The following DOK6 variants were observed in gnomAD, a reference collection of about 807,000 sequenced individuals.
DOK6 encodes docking protein 6.
DOK6 carries 22 observed loss-of-function variants against 44.0 expected under a neutral mutation model. The ratio of observed to expected loss-of-function variants is 0.50; its 90% CI spans 0.36 to 0.71. The LOEUF (loss-of-function observed/expected upper bound fraction) is 0.71, where lower values mean the gene tolerates loss of function less well. Ranked by LOEUF, DOK6 falls within the 30% of genes least tolerant of loss-of-function variation. The pLI is 0.00. For missense variants in DOK6, 340 were observed against 416.4 expected (o/e 0.82, Z 1.60); for synonymous variants, 166 against 145.5 (o/e 1.14, Z -1.01).
At chr18:69,546,069 G>T (rs1982395529) in intron 1 of DOK6, among the ~76,000 whole-genome samples, 1 of 151,132 alleles carries the variant, frequency 6.6e-6, no homozygotes, top group Admixed American at 6.6e-5. Flanking sequence ...CTTAAGGTTG[G>T]GAGTTCGAGA....
chr18:69,793,350 A>G (rs1230938019), intron 7 of DOK6, among the ~76,000 whole-genome samples: 1 of 152,172 alleles, frequency 6.6e-6, no homozygotes, highest in Non-Finnish European at 1.5e-5. Flanking sequence ...CCTATCTCCA[A>G]GGAACTTGTG....
At chr18:69,645,905 G>A (rs996027891) in intron 3 of DOK6, among the ~76,000 whole-genome samples, 1 of 151,978 alleles carries the variant, frequency 6.6e-6, no homozygotes, top group Non-Finnish European at 1.5e-5. Flanking sequence ...TTCTTTTGTC[G>A]ATTCTTCTGG....
intron 1 of DOK6, among the ~76,000 whole-genome samples, chr18:69,424,751 T>A (rs549087789): frequency 6.6e-6 from 1 of 152,314 alleles, no homozygotes; most frequent in South Asian, 2.1e-4. Context: ...CAATGTCTAA[T>A]TAATCCTTAT....
chr18:69,690,546 T>G (rs1014046737), intron 4 of DOK6, among the ~76,000 whole-genome samples: 4 of 152,190 alleles, frequency 2.6e-5, no homozygotes, highest in Non-Finnish European at 4.4e-5. Flanking sequence ...TTATAGAAAT[T>G]TTGGAGATAA....
chr18:69,438,115 A>T (rs1440398326), intron 1 of DOK6, among the ~76,000 whole-genome samples: 1 of 152,182 alleles, frequency 6.6e-6, no homozygotes, highest in Non-Finnish European at 1.5e-5. Flanking sequence ...GGCAACTTTT[A>T]AAAACAACAC....
At chr18:69,558,270 T>C (rs1376589119) in intron 1 of DOK6, among the ~76,000 whole-genome samples, 1 of 152,134 alleles carries the variant, frequency 6.6e-6, no homozygotes, top group African/African-American at 2.4e-5. Context: ...GATCTCCTTG[T>C]ACTTCTGCTT....
At position 69,673,495 on chromosome 18, in the gene DOK6, C is replaced by G. The variant is rs545630877; in HGVS notation, c.290-4239C>G. On this transcript the variant is annotated intron_variant, in intron 3 of 7. Transcript: ENST00000382713. ...AAGACACCATACTTTCCCCAGAATT[C>G]TGTGGAGAAATGGAAAGACACTGAA... Among the ~76,000 whole-genome samples the G allele has an allele frequency of 2.6e-4, 40 of 152,284 alleles. 1 individual carries two copies. The highest frequency in any genetic ancestry group is 1.4e-3 in the Admixed American group (22 of 15,298).
intron 1 of DOK6, among the ~76,000 whole-genome samples, chr18:69,561,328 T>C (rs967661118): frequency 6.6e-6 from 1 of 152,190 alleles, no homozygotes; most frequent in Non-Finnish European, 1.5e-5. Flanking sequence ...CTTCTTGATG[T>C]TTGCATTTCC....
chr18:69,767,509 A>G (rs1356138632), intron 7 of DOK6, among the ~76,000 whole-genome samples: 3 of 150,666 alleles, frequency 2.0e-5, no homozygotes, highest in African/African-American at 7.3e-5. Flanking sequence ...TGCAGAACTC[A>G]TGGAAGGACT....
chr18:69,694,986 G>A (rs1415608083), intron 4 of DOK6, among the ~76,000 whole-genome samples: 1 of 152,162 alleles, frequency 6.6e-6, no homozygotes, highest in Non-Finnish European at 1.5e-5. Context: ...TACAAAATCA[G>A]ACATGAATCA....
At chr18:69,838,237 TAA>T (rs541410720) in intron 7 of DOK6, among the ~76,000 whole-genome samples, 14 of 140,776 alleles carry the variant, frequency 9.9e-5, no homozygotes, top group African/African-American at 3.1e-4. Context: ...TCTAAAACTT[TAA>T]AAAAAAAAAA....
At chr18:69,835,120 A>G (rs148571215) in intron 7 of DOK6, among the ~76,000 whole-genome samples, 2,686 of 152,232 alleles carry the variant, frequency 0.018, 77 homozygotes, top group African/African-American at 0.061. Flanking sequence ...GGGGATTACA[A>G]TTCAAGAGGA....
At position 69,847,535 on chromosome 18, in the gene DOK6, A is replaced by G. The variant is rs369572857; in HGVS notation, c.*6152A>G. The G allele has an allele frequency of 1.4e-4, 22 of 152,192 alleles. No individual in the cohort carries two copies. The highest frequency in any genetic ancestry group is 5.3e-4 in the African/African-American group (22 of 41,456). 9.4% of individuals were successfully genotyped at this position (152,192 alleles called of 1,614,324 possible). ...TTTAATTTTTTTAAGTCACTGCAGG[A>G]TTTCTCTCAAAGAAAACATCTGAAA... On this transcript the variant is annotated 3_prime_UTR_variant, in exon 8 of 8. Transcript: ENST00000382713.
chr18:69,743,596 C>A (rs1978874277), intron 6 of DOK6, among the ~76,000 whole-genome samples: 7 of 151,916 alleles, frequency 4.6e-5, no homozygotes, highest in Middle Eastern at 6.8e-3. Context: ...TAAAATGTGC[C>A]TTTTATGTTC....
At chr18:69,719,206 A>C (rs1218663979) in intron 5 of DOK6, among the ~76,000 whole-genome samples, 1 of 152,140 alleles carries the variant, frequency 6.6e-6, no homozygotes, top group African/African-American at 2.4e-5. Context: ...GTTTTTAAAG[A>C]AAATTTGGAG....
intron 7 of DOK6, among the ~76,000 whole-genome samples, chr18:69,826,651 A>T (rs2145128860): frequency 6.6e-6 from 1 of 152,276 alleles, no homozygotes; most frequent in South Asian, 2.1e-4. Context: ...TGGGATGGTT[A>T]CAATACTAGT....
chr18:69,711,809 G>GA (rs1290451926), intron 5 of DOK6, among the ~76,000 whole-genome samples: 2 of 152,108 alleles, frequency 1.3e-5, no homozygotes, highest in Admixed American at 6.5e-5. Context: ...TGTATCAGAA[G>GA]AAAAAATCTT....
At chr18:69,478,916 A>G (rs1980342603) in intron 1 of DOK6, among the ~76,000 whole-genome samples, 1 of 152,192 alleles carries the variant, frequency 6.6e-6, no homozygotes, top group South Asian at 2.1e-4. Context: ...ACAGGTTTTC[A>G]GTTATAGAAA....
At chr18:69,646,868 C>A (rs9963366) in intron 3 of DOK6, among the ~76,000 whole-genome samples, 7,714 of 152,182 alleles carry the variant, frequency 0.051, 230 homozygotes, top group Middle Eastern at 0.095. Flanking sequence ...GGGTGGGGCC[C>A]CTTGTGTCTG....
Sources: allele counts gnomAD v4.1 joint callset (sites outside exome capture counted in the v4.1 genomes callset), GRCh38; gene constraint gnomAD v4.1.1; transcripts MANE v1.5; gene names NCBI Gene and HGNC (gene_info 2026-07-23, HGNC 2026-07-21).